PNPT1: variants seen among roughly 807,000 people sequenced by gnomAD.
PNPT1 encodes the protein polyribonucleotide nucleotidyltransferase 1, also known as polyribonucleotide nucleotidyltransferase 1, mitochondrial.
Under a neutral mutation model 119.5 loss-of-function variants are expected in PNPT1, and 53 were observed. That is an observed-to-expected ratio of 0.44 (90% CI 0.36 to 0.56). PNPT1 has a LOEUF of 0.56. PNPT1 is among the 20% of genes least tolerant of loss of function. The pLI is 0.00. For missense variants in PNPT1, 948 were observed against 938.5 expected, an observed-to-expected ratio of 1.01 and a Z score of -0.13; for synonymous variants, 357 against 322.1, an observed-to-expected ratio of 1.11 and a Z score of -1.16.
chr2:55,672,078 T>C (rs757515701), intron 9 of PNPT1, 32 bp from the exon 10 acceptor site: 9 of 1,522,022 alleles, frequency 5.9e-6, no homozygotes, highest in Non-Finnish European at 8.1e-6. Context: ...GTTAGCATAA[T>C]AATATCTGGA....
rs200679963 is a variant in PNPT1, at chr2:55,685,056, A to C, written c.298-8T>G. On this transcript the variant is annotated splice_polypyrimidine_tract_variant and splice_region_variant and intron_variant, in intron 3 of 27. Coordinates refer to ENST00000447944, the MANE Select transcript of PNPT1 (RefSeq NM_033109.5). ...TTTTTGTCTGTAGTCAACCTGAAGCAGCAATAAAAAAAAGTTCATATAATT... is the reference window on the plus strand; with the variant it reads ...TTTTTGTCTGTAGTCAACCTGAAGCCGCAATAAAAAAAAGTTCATATAATT... 1.2e-4 allele frequency: 190 copies of C among 1,564,072 alleles called. No homozygotes were observed. The African/African-American group carries it at 2.3e-3, about 19-fold the overall frequency.
At chr2:55,669,044 C>G (rs1410729238) in intron 11 of PNPT1, among the ~76,000 whole-genome samples, 1 of 152,152 alleles carries the variant, frequency 6.6e-6, no homozygotes, top group Admixed American at 6.5e-5. Flanking sequence ...ATGAGCCAGG[C>G]ACTTTATTGG....
intron 1 of PNPT1, among the ~76,000 whole-genome samples, chr2:55,691,074 G>A (rs967880356): frequency 2.0e-5 from 3 of 152,212 alleles, no homozygotes; most frequent in African/African-American, 7.2e-5. Context: ...GAATACCTAA[G>A]TGATCTCTGT....
intron 3 of PNPT1, 77 bp from the exon 4 acceptor site, chr2:55,685,125 T>A: frequency 9.2e-7 from 1 of 1,090,736 alleles, no homozygotes; most frequent in African/African-American, 1.6e-5. Context: ...CTAATTCTCC[T>A]GAGGTTGCTA....
At chr2:55,639,905 C>G (rs945429993) in intron 26 of PNPT1, among the ~76,000 whole-genome samples, 14 of 152,252 alleles carry the variant, frequency 9.2e-5, no homozygotes, top group African/African-American at 3.1e-4. Flanking sequence ...ACATTTAGCT[C>G]TTTGATCCAG....
chr2:55,673,593 C>T (rs1194134527), intron 8 of PNPT1, among the ~76,000 whole-genome samples: 3 of 151,754 alleles, frequency 2.0e-5, no homozygotes, highest in East Asian at 1.9e-4. Context: ...GGACTACAGG[C>T]GCCCGCCACC....
intron 1 of PNPT1, among the ~76,000 whole-genome samples, chr2:55,691,723 A>G (rs1218405863): frequency 2.0e-5 from 3 of 152,000 alleles, no homozygotes; most frequent in East Asian, 1.9e-4. Flanking sequence ...AGAGATGTCC[A>G]CTTCCCTCAA....
At chr2:55,639,611 G>C (rs961305711) in intron 26 of PNPT1, among the ~76,000 whole-genome samples, 3 of 151,858 alleles carry the variant, frequency 2.0e-5, no homozygotes, top group African/African-American at 7.3e-5. Flanking sequence ...TTTTTCTATT[G>C]ATATTCATCA....
Position 55,660,147 on chromosome 2 carries a change from T to G in PNPT1, c.1284+10A>C, listed in dbSNP as rs780025637. On this transcript the variant is annotated intron_variant, in intron 15 of 27. Coordinates refer to ENST00000447944, the MANE Select transcript of PNPT1 (RefSeq NM_033109.5). ...ATTAATAAAATTTTGAGGAAAAAAA[T>G]TCACCTTACCTCGTAGTGCAGCATG... The G allele has an allele frequency of 1.2e-5, 19 of 1,576,888 alleles. No homozygotes were observed. The highest frequency in any genetic ancestry group is 1.5e-5 in the Non-Finnish European group (18 of 1,164,060).
At chr2:55,685,688 A>G (rs1056876402) in intron 3 of PNPT1, among the ~76,000 whole-genome samples, 4 of 152,230 alleles carry the variant, frequency 2.6e-5, no homozygotes, top group Non-Finnish European at 4.4e-5. Flanking sequence ...AGGGAGCTAT[A>G]AAATTCTCAT....
Position 55,671,335 on chromosome 2 carries a change from C to A in PNPT1, c.960G>T (p.Thr320=), listed in dbSNP as rs778742691. 4 of 1,535,068 alleles carry A rather than the reference C, an allele frequency of 2.6e-6. No homozygotes were observed. The highest frequency in any genetic ancestry group is 3.5e-6 in the Non-Finnish European group (4 of 1,139,980). ...DEAVNKIRLD[T]EEQLKEKFPE... ...AAAATTTACCTTTTAGTTGTTCCTC[C>A]GTATCTAATCTTATTTTGTTAACAG... Residue 320 remains threonine, a synonymous_variant, in exon 11 of 28, where the codon ACG becomes ACT. Coordinates refer to ENST00000447944, the MANE Select transcript of PNPT1 (RefSeq NM_033109.5).
intron 3 of PNPT1, among the ~76,000 whole-genome samples, 168 bp downstream of exon 3, chr2:55,686,202 T>C (rs972144859): frequency 8.5e-5 from 13 of 152,222 alleles, no homozygotes; most frequent in Non-Finnish European, 1.8e-4. Flanking sequence ...TAGTATTTGT[T>C]TATGAAGCAG....
Position 55,654,985 on chromosome 2 carries a change from A to T in PNPT1, c.1442-32T>A, listed in dbSNP as rs778849932. 3.8e-6 allele frequency: 6 copies of T among 1,575,452 alleles called. No individual in the cohort carries two copies. The South Asian group carries it at 6.8e-5, about 18-fold the overall frequency. On this transcript the variant is annotated intron_variant, in intron 17 of 27. Transcript: ENST00000447944. ...AAAGAAAAATAACTGCTTTATATTA[A>T]ACTGATTTTTTTAATGTAGAAAAGT...
chr2:55,637,781 G>C (rs1695720492), intron 26 of PNPT1, among the ~76,000 whole-genome samples, 182 bp from the exon 27 acceptor site: 2 of 152,152 alleles, frequency 1.3e-5, no homozygotes, highest in Admixed American at 6.5e-5. Context: ...CAGATCAAGA[G>C]GTCAGGAGAT....
rs765326762 is a variant in PNPT1, at chr2:55,673,060, T to C, written c.699A>G (p.Ala233=). 5.6e-6 allele frequency: 9 copies of C among 1,598,732 alleles called. No individual in the cohort carries two copies. Among genetic ancestry groups the C allele is most frequent in the South Asian group, 4.6e-5 (4 of 87,858 alleles). Residue 233 remains alanine (A), a synonymous_variant, in exon 9 of 28, where the codon GCA becomes GCG. Coordinates refer to ENST00000447944, the MANE Select transcript of PNPT1 (RefSeq NM_033109.5). ...AAAAGTCCTGCTGTAAAATGTTCTC[T>C]GCAGAGGCTTCCAACATGACTATTT... is the stretch of plus-strand genomic sequence containing the variant. ...KSQIVMLEAS[A]ENILQQDFCH...
chr2:55,671,362 T>G lies in PNPT1; in HGVS notation c.933A>C (p.Glu311Asp), dbSNP rs747171410. 2 of 1,533,438 alleles carry G rather than the reference T, an allele frequency of 1.3e-6. No homozygotes were observed. The highest frequency in any genetic ancestry group is 1.8e-6 in the Non-Finnish European group (2 of 1,136,906). 95.0% of individuals were successfully genotyped at this position (1,533,438 alleles called of 1,614,324 possible). A position where few individuals can be genotyped will look rare whatever the true frequency, so the allele number is the denominator to read the frequency against. Residue 311 changes from glutamate (E) to aspartate (D), a missense_variant, in exon 11 of 28, where the codon GAA becomes GAC. Coordinates refer to ENST00000447944, the MANE Select transcript of PNPT1 (RefSeq NM_033109.5). The part of the protein sequence containing the change: ...DYEHDKVSRD[E>D]AVNKIRLDTE... ...TATCTAATCTTATTTTGTTAACAGC[T>G]TCATCTCTGGAAACCTAAAAGAAAG...
chr2:55,662,091 C>T (rs1696596679), intron 13 of PNPT1, 65 bp from the exon 14 acceptor site: 1 of 1,330,632 alleles, frequency 7.5e-7, no homozygotes, highest in Admixed American at 3.1e-5. Flanking sequence ...ACTAAAAATA[C>T]TTGAAGAATC....
At chr2:55,668,584 T>G (rs1459179984) in intron 11 of PNPT1, among the ~76,000 whole-genome samples, 1 of 151,572 alleles carries the variant, frequency 6.6e-6, no homozygotes, top group Non-Finnish European at 1.5e-5. Context: ...CCAGTCAGCC[T>G]TTATGGAAAA....
At chr2:55,685,119 T>G (rs868105757) in intron 3 of PNPT1, 71 bp from the exon 4 acceptor site, 2 of 1,152,226 alleles carry the variant, frequency 1.7e-6, no homozygotes, top group Admixed American at 5.2e-5. Flanking sequence ...TGAATGCTAA[T>G]TCTCCTGAGG....
Sources: gnomAD v4.1 joint callset for allele counts (sites outside exome capture counted in the v4.1 genomes callset) on GRCh38, gnomAD v4.1.1 for gene constraint, MANE v1.5 for transcripts, NCBI Gene and HGNC (gene_info 2026-07-23, HGNC 2026-07-21) for gene names.